NRBF2: variants seen among roughly 807,000 people sequenced by gnomAD.
NRBF2 encodes nuclear receptor-binding factor 2.
NRBF2 carries 12 observed loss-of-function variants against 28.5 expected under a neutral mutation model. That is an observed-to-expected ratio of 0.42 (90% CI 0.27 to 0.68). The LOEUF is 0.68. NRBF2 is among the 30% of genes least tolerant of loss of function. The pLI is 0.24. For synonymous variants in NRBF2, 102 were observed against 116.5 expected, an observed-to-expected ratio of 0.88 and a Z score of 0.80; for missense variants, 274 against 333.5, an observed-to-expected ratio of 0.82 and a Z score of 1.39.
In NRBF2 at chr10:63,154,838, T is replaced by G. The variant is rs1444639033; in HGVS notation, c.*620T>G. On this transcript the variant is annotated 3_prime_UTR_variant, in exon 4 of 4. Transcript: ENST00000277746. ...GAAAGGAACCAAATTATTATGCTTT[T>G]TAAAACAAATTACCAGTTTACATAA... 6.5e-6 allele frequency: 1 copy of G among 152,674 alleles called. No individual in the cohort carries two copies. The highest frequency in any genetic ancestry group is 2.4e-5 in the African/African-American group (1 of 41,466). 9.5% of individuals were successfully genotyped at this position (152,674 alleles called of 1,614,324 possible).
chr10:63,133,868 T>G (rs1331657312), intron 1 of NRBF2, among the ~76,000 whole-genome samples: 2 of 152,096 alleles, frequency 1.3e-5, no homozygotes, highest in Non-Finnish European at 2.9e-5. Flanking sequence ...AGAAATGGTG[T>G]GATACTGGTT....
intron 1 of NRBF2, among the ~76,000 whole-genome samples, chr10:63,135,408 C>G (rs925535135): frequency 3.3e-5 from 5 of 152,172 alleles, no homozygotes; most frequent in Admixed American, 6.5e-5. Flanking sequence ...CCCCCGCCAA[C>G]TGCCCCACGA....
intron 2 of NRBF2, chr10:63,150,491 GTCC>G: frequency 2.8e-6 from 1 of 355,808 alleles, no homozygotes; most frequent in Non-Finnish European, 3.9e-6. Context: ...GGCTCAGGCA[GTCC>G]TCCTGTTTGG....
chr10:63,150,777 T>G (rs940939358), intron 2 of NRBF2, among the ~76,000 whole-genome samples: 1 of 152,238 alleles, frequency 6.6e-6, no homozygotes, highest in Non-Finnish European at 1.5e-5. Flanking sequence ...CTTGTTTTCC[T>G]GCAGCTAGAC....
Position 63,148,379 on chromosome 10 carries a change from T to C in NRBF2, c.115+2086T>C, listed in dbSNP as rs753557170. Among the ~76,000 whole-genome samples the C allele has an allele frequency of 2.0e-5, 3 of 152,208 alleles. No homozygotes were observed. The South Asian group carries it at 6.2e-4, about 31-fold the overall frequency. On this transcript the variant is annotated intron_variant, in intron 2 of 3. Transcript: ENST00000277746. The stretch of plus-strand genomic sequence containing the variant: ...GAGTTGAAAGTTGACGTGGTTGAAA[T>C]GAGCTCACTTTTTGAAATTGACTTG...
intron 1 of NRBF2, among the ~76,000 whole-genome samples, chr10:63,136,124 C>CTTTTTTTTTTTTTTTTTTTT (rs11334549): frequency 1.6e-5 from 2 of 125,006 alleles, no homozygotes. Context: ...AAAATTCAGA[C>CTTTTTTTTTTTTTTTTTTTT]TTTTTTTTTT....
chr10:63,152,082 C>G, intron 2 of NRBF2, 68 bp from the exon 3 acceptor site: 2 of 1,149,188 alleles, frequency 1.7e-6, no homozygotes, highest in Non-Finnish European at 2.6e-6. Context: ...ATTATTAAAA[C>G]TCTTCCTTTT....
chr10:63,148,752 GTGGACAA>G (rs971264915), intron 2 of NRBF2, among the ~76,000 whole-genome samples: 2 of 152,212 alleles, frequency 1.3e-5, no homozygotes, highest in African/African-American at 4.8e-5. Flanking sequence ...TACTCTTGAG[GTGGACAA>G]TGGCTGAATT....
At chr10:63,137,579 A>G (rs533804492) in intron 1 of NRBF2, among the ~76,000 whole-genome samples, 1 of 152,300 alleles carries the variant, frequency 6.6e-6, no homozygotes, top group South Asian at 2.1e-4. Flanking sequence ...TTGTTGAGTA[A>G]CAGCTTCCCT....
Position 63,154,583 on chromosome 10 carries a change from ATGAT to A in NRBF2, c.*366_*369del, listed in dbSNP as rs1841702960. The A allele has an allele frequency of 5.9e-6, 1 of 169,186 alleles. No homozygotes were observed. Among genetic ancestry groups the A allele is most frequent in the Non-Finnish European group, 1.3e-5 (1 of 78,788 alleles). 10.5% of individuals were successfully genotyped at this position (169,186 alleles called of 1,614,324 possible). On this transcript the variant is annotated 3_prime_UTR_variant, in exon 4 of 4. Coordinates refer to ENST00000277746, the MANE Select transcript of NRBF2 (RefSeq NM_030759.5). ...GTGTAATTAATCTATAATGCCATAA[ATGAT>A]AATGCAAAACCTAAATAATATGGTG...
At chr10:63,145,268 G>T (rs1197105201) in intron 1 of NRBF2, among the ~76,000 whole-genome samples, 1 of 151,910 alleles carries the variant, frequency 6.6e-6, no homozygotes, top group African/African-American at 2.4e-5. Context: ...CAGAGACGGT[G>T]TTTCACCCTG....
chr10:63,135,437 G>A (rs1298066103), intron 1 of NRBF2, among the ~76,000 whole-genome samples: 2 of 152,128 alleles, frequency 1.3e-5, no homozygotes, highest in African/African-American at 4.8e-5. Context: ...TGTTTTAAAA[G>A]GAGACTAGAA....
intron 1 of NRBF2, among the ~76,000 whole-genome samples, chr10:63,136,032 T>G (rs1841372250): frequency 6.6e-6 from 1 of 152,206 alleles, no homozygotes; most frequent in South Asian, 2.1e-4. Flanking sequence ...GAACAGACGT[T>G]GACGGTTACT....
chr10:63,137,522 C>G lies in NRBF2; in HGVS notation c.30+4022C>G, dbSNP rs1346786341. Among the ~76,000 whole-genome samples the G allele has an allele frequency of 3.3e-5, 5 of 152,246 alleles. No individual in the cohort carries two copies. In the East Asian group the frequency reaches 9.6e-4, roughly 29 times the overall value. On this transcript the variant is annotated intron_variant, in intron 1 of 3. Coordinates refer to ENST00000277746, the MANE Select transcript of NRBF2 (RefSeq NM_030759.5). ...GGGCAGGGTCCATGTGACTGCCTGG[C>G]CACAATCGTTTTCTATGTGTTTAGC...
In NRBF2 at chr10:63,152,205, C is replaced by T. The variant is rs371343448; in HGVS notation, c.156+15C>T. 22 of 1,609,612 alleles carry T rather than the reference C, an allele frequency of 1.4e-5. No individual in the cohort carries two copies. In the African/African-American group the frequency reaches 2.9e-4, roughly 22 times the overall value. ...AGTCAGAGCAGGTGAGACATATTCC[C>T]AATATTTGCGACAAGGGTTAGAAAG... On this transcript the variant is annotated intron_variant, in intron 3 of 3. Coordinates refer to ENST00000277746, the MANE Select transcript of NRBF2 (RefSeq NM_030759.5).
chr10:63,140,078 C>T (rs1250631919), intron 1 of NRBF2, among the ~76,000 whole-genome samples: 1 of 152,002 alleles, frequency 6.6e-6, no homozygotes, highest in Non-Finnish European at 1.5e-5. Flanking sequence ...GTTGTGGCTG[C>T]AGTGAGCCGT....
rs545663688 is a variant in NRBF2 at position 63,141,912 on chromosome 10, A to G, written c.31-4297A>G. 2.0e-5 allele frequency among the ~76,000 whole-genome samples: 3 copies of G among 152,312 alleles called. No individual in the cohort carries two copies. The South Asian group carries it at 6.2e-4, about 32-fold the overall frequency. ...TTGTTGAGCTCAGTAATAATCTGAAACTATAATGAGATTTAACTCCTAAAT... is the reference window on the plus strand; with the variant it reads ...TTGTTGAGCTCAGTAATAATCTGAAGCTATAATGAGATTTAACTCCTAAAT... On this transcript the variant is annotated intron_variant, in intron 1 of 3. Coordinates refer to ENST00000277746, the MANE Select transcript of NRBF2 (RefSeq NM_030759.5).
At chr10:63,143,490 CTG>C (rs1459570276) in intron 1 of NRBF2, among the ~76,000 whole-genome samples, 1 of 151,916 alleles carries the variant, frequency 6.6e-6, no homozygotes, top group African/African-American at 2.4e-5. Context: ...CCGAGTCTCA[CTG>C]TGTTGCCCAG....
At chr10:63,135,923 C>G (rs1338094363) in intron 1 of NRBF2, among the ~76,000 whole-genome samples, 2 of 152,138 alleles carry the variant, frequency 1.3e-5, no homozygotes, top group East Asian at 1.9e-4. Context: ...GGATTACAGG[C>G]GTGAGCCAGC....
Sources: gnomAD v4.1 joint callset for allele counts (sites outside exome capture counted in the v4.1 genomes callset) on GRCh38, gnomAD v4.1.1 for gene constraint, MANE v1.5 for transcripts, NCBI Gene and HGNC (gene_info 2026-07-23, HGNC 2026-07-21) for gene names.